GPHN: variants seen among roughly 807,000 people sequenced by gnomAD.
GPHN encodes the protein gephyrin.
Under a neutral mutation model 95.5 loss-of-function variants are expected in GPHN, and 17 were observed. The ratio of observed to expected loss-of-function variants is 0.18; its 90% CI spans 0.12 to 0.27. GPHN has a LOEUF of 0.27. Among genes scored for constraint, GPHN ranks in the 10% least tolerant of loss-of-function variants. The pLI is 1.00. For synonymous variants in GPHN, 320 were observed against 322.5 expected (o/e 0.99, Z 0.08); for missense variants, 660 against 978.1 (o/e 0.67, Z 4.34).
chr14:66,721,481 C>T (rs1214492496), intron 2 of GPHN, among the ~76,000 whole-genome samples: 1 of 151,966 alleles, frequency 6.6e-6, no homozygotes, highest in Non-Finnish European at 1.5e-5. Context: ...ATACATATAA[C>T]CTAAAGAAGA....
the GPHN span, among the ~76,000 whole-genome samples, chr14:67,258,198 A>G: frequency 7.5e-3 from 1,142 of 152,126 alleles, 23 homozygotes; most frequent in Non-Finnish European, 5.2e-3. Context: ...AGTCTATAGA[A>G]TATTTGCAGT....
the GPHN span, among the ~76,000 whole-genome samples, chr14:67,582,658 AAAT>A: frequency 6.6e-6 from 1 of 151,892 alleles, no homozygotes; most frequent in Admixed American, 6.6e-5. The surrounding 1 kb of genome is among the most constrained non-coding windows in gnomAD (Gnocchi z 5.0). Flanking sequence ...TACTGAAAAA[AAAT>A]AAAATAAAAT....
the GPHN span, among the ~76,000 whole-genome samples, chr14:67,489,508 C>T: frequency 1.4e-4 from 22 of 152,280 alleles, no homozygotes; most frequent in East Asian, 5.8e-4. Flanking sequence ...CAGAGACCAC[C>T]GGCCTGTTTC....
chr14:66,598,409 A>G (rs920879402), intron 1 of GPHN, among the ~76,000 whole-genome samples: 1 of 151,948 alleles, frequency 6.6e-6, no homozygotes, highest in African/African-American at 2.4e-5. Context: ...AAGTACTGAG[A>G]CTCTGAGAAA....
chr14:67,676,853 CA>C, the GPHN span: 1 of 151,900 alleles, frequency 6.6e-6, no homozygotes, highest in East Asian at 1.9e-4. Flanking sequence ...TAAATGAAAA[CA>C]AAAAATAATC....
At chr14:66,801,551 C>G (rs2060347667) in intron 3 of GPHN, among the ~76,000 whole-genome samples, 1 of 151,680 alleles carries the variant, frequency 6.6e-6, no homozygotes, top group African/African-American at 2.4e-5. Flanking sequence ...CTCTCATTCT[C>G]TCTCTCTCTC....
At chr14:67,333,914 T>TATG in the GPHN span, 1 of 152,650 alleles carries the variant, frequency 6.6e-6, no homozygotes, top group African/African-American at 2.4e-5. Flanking sequence ...CACAGTATCC[T>TATG]ATGACTGTGC....
chr14:66,672,942 A>G (rs1392609660), intron 1 of GPHN, among the ~76,000 whole-genome samples: 1 of 152,064 alleles, frequency 6.6e-6, no homozygotes, highest in Non-Finnish European at 1.5e-5. Context: ...AATATCTACC[A>G]TATTTTAAAC....
intron 3 of GPHN, among the ~76,000 whole-genome samples, chr14:66,792,487 G>GAA (rs113886078): frequency 3.5e-5 from 4 of 113,372 alleles, no homozygotes; most frequent in African/African-American, 6.5e-5. Context: ...CACAGAAAAA[G>GAA]AAAAAAAAAA....
At chr14:66,540,924 C>T (rs756463183) in intron 1 of GPHN, among the ~76,000 whole-genome samples, 2 of 152,120 alleles carry the variant, frequency 1.3e-5, no homozygotes, top group Admixed American at 6.5e-5. Context: ...CAGGTGTGAG[C>T]CATGGTGCCT....
At chr14:67,248,005 AG>A in the GPHN span, among the ~76,000 whole-genome samples, 1 of 152,112 alleles carries the variant, frequency 6.6e-6, no homozygotes, top group Non-Finnish European at 1.5e-5. Flanking sequence ...TAGGTTACTG[AG>A]GGTTTGTTTT....
the GPHN span, among the ~76,000 whole-genome samples, chr14:67,688,258 A>G: frequency 6.6e-6 from 1 of 152,160 alleles, no homozygotes; most frequent in Non-Finnish European, 1.5e-5. Context: ...ATTTATCACA[A>G]TTATAATTAA....
chr14:66,891,387 A>G (rs1249157511), intron 5 of GPHN, among the ~76,000 whole-genome samples: 2 of 152,146 alleles, frequency 1.3e-5, no homozygotes, highest in East Asian at 3.9e-4. Context: ...GTGTCAATTC[A>G]ATGGGGGAGA....
At chr14:67,421,524 TCTC>T in the GPHN span, among the ~76,000 whole-genome samples, 1 of 152,104 alleles carries the variant, frequency 6.6e-6, no homozygotes, top group Admixed American at 6.6e-5. Context: ...TTCTGGGCCA[TCTC>T]CTCAATGGAC....
intron 11 of GPHN, among the ~76,000 whole-genome samples, chr14:67,064,764 G>C (rs2075974402): frequency 6.6e-6 from 1 of 152,080 alleles, no homozygotes; most frequent in South Asian, 2.1e-4. Flanking sequence ...GTATTTCTGT[G>C]GGATCAGTGG....
chr14:67,408,311 AAATAAAATAAAATAAAAT>A, the GPHN span, among the ~76,000 whole-genome samples: 2 of 123,048 alleles, frequency 1.6e-5, no homozygotes, highest in Admixed American at 8.3e-5. Context: ...AAATAAAATA[AAATAAAATAAAATAAAAT>A]AAAATAAAAT....
At chr14:67,198,135 GTT>G in the GPHN span, 3 of 1,595,364 alleles carry the variant, frequency 1.9e-6, no homozygotes, top group South Asian at 3.4e-5. Flanking sequence ...CATTCCCTCA[GTT>G]TTTTTATGTT....
chr14:67,530,584 G>A, the GPHN span, among the ~76,000 whole-genome samples: 529 of 152,260 alleles, frequency 3.5e-3, 1 homozygote, highest in African/African-American at 0.012. Flanking sequence ...TCAGGAATCC[G>A]CACTCCAGAA....
intron 2 of GPHN, among the ~76,000 whole-genome samples, chr14:66,759,488 C>T (rs1401320518): frequency 1.3e-5 from 2 of 152,166 alleles, no homozygotes; most frequent in Admixed American, 6.6e-5. Flanking sequence ...ACAATATTAC[C>T]ATAAGTTAAA....
Sources: gnomAD v4.1 joint callset for allele counts (sites outside exome capture counted in the v4.1 genomes callset) on GRCh38, gnomAD v4.1.1 for gene constraint, Gnocchi (gnomAD v3.1) non-coding constraint, MANE v1.5 for transcripts, NCBI Gene and HGNC (gene_info 2026-07-23, HGNC 2026-07-21) for gene names.